Variants in PLPPR5 observed in about 807,000 individuals in gnomAD.
PLPPR5 encodes the protein phospholipid phosphatase-related protein type 5.
In PLPPR5, 16 loss-of-function variants were observed where a neutral mutation model predicts 33.9. That is an observed-to-expected ratio of 0.47 (90% CI 0.32 to 0.72). PLPPR5 has a LOEUF of 0.72. Among genes scored for constraint, PLPPR5 ranks in the 30% least tolerant of loss-of-function variants. The probability of loss-of-function intolerance (pLI) is 0.03; values close to 1 mark genes in which losing one functional copy is unlikely to be tolerated. For synonymous variants in PLPPR5, 163 were observed against 150.3 expected (o/e 1.08, Z -0.62); for missense variants, 301 against 406.7 (o/e 0.74, Z 2.23).
intron 1 of PLPPR5, among the ~76,000 whole-genome samples, chr1:99,001,671 GATATATATATATATATAT>G (rs55722150): frequency 2.9e-5 from 3 of 102,196 alleles, no homozygotes; most frequent in African/African-American, 3.9e-5. Flanking sequence ...GAAAGTTAAA[GATATATATATATATATAT>G]ATATATATAT....
rs1461661302 is a variant in PLPPR5, at chr1:98,897,236, C to T, written c.934-4132G>A. ...TTGCAACCCAATTCCAACACCAGTG[C>T]GCTCCAGCGCACATACGTTTATTGC... On this transcript the variant is annotated intron_variant, in intron 5 of 5. Coordinates refer to ENST00000263177, the MANE Select transcript of PLPPR5 (RefSeq NM_001037317.2). Among the ~76,000 whole-genome samples, 4 of 152,190 alleles carry T rather than the reference C, an allele frequency of 2.6e-5. No individual in the cohort carries two copies. The East Asian group carries it at 5.8e-4, about 22-fold the overall frequency.
rs1274350203 is a variant in PLPPR5, at chr1:98,922,023, G to A, written c.657C>T (p.Thr219=). The part of the protein sequence containing the change: ...YITNTIKAKG[T]RLAKPVLCLG... ...AGCATAGAACTGGCTTAGCAAGTCT[G>A]GTTCCCTTGGCTTTGATTGTGTTGG... is the stretch of plus-strand genomic sequence containing the variant. The change falls in exon 4 of 6, where the codon ACC becomes ACT. Residue 219 remains threonine, a synonymous_variant. Transcript: ENST00000263177. 4 of 1,613,548 alleles carry A rather than the reference G, an allele frequency of 2.5e-6. No individual in the cohort carries two copies.
chr1:98,995,294 A>G (rs761080361), intron 1 of PLPPR5, among the ~76,000 whole-genome samples: 3 of 152,106 alleles, frequency 2.0e-5, no homozygotes, highest in Non-Finnish European at 2.9e-5. Context: ...GAAACAATAG[A>G]CACTGGGGCC....
chr1:98,940,360 C>T (rs1407485588), intron 3 of PLPPR5, among the ~76,000 whole-genome samples: 1 of 151,850 alleles, frequency 6.6e-6, no homozygotes, highest in Non-Finnish European at 1.5e-5. Context: ...GAGGGCCTTA[C>T]CCCTTCATGA....
chr1:98,994,803 G>A (rs868844408), intron 1 of PLPPR5, among the ~76,000 whole-genome samples: 1 of 152,034 alleles, frequency 6.6e-6, no homozygotes, highest in Non-Finnish European at 1.5e-5. Flanking sequence ...ATTGATGAAA[G>A]TAATGACTGA....
chr1:98,901,631 G>A (rs1648695477), intron 5 of PLPPR5, among the ~76,000 whole-genome samples: 1 of 152,124 alleles, frequency 6.6e-6, no homozygotes, highest in East Asian at 1.9e-4. Context: ...AATATAAATT[G>A]AAATGAGAAC....
intron 3 of PLPPR5, among the ~76,000 whole-genome samples, chr1:98,927,760 G>A (rs1649819519): frequency 6.6e-6 from 1 of 152,100 alleles, no homozygotes; most frequent in African/African-American, 2.4e-5. Flanking sequence ...CACCTACATG[G>A]ACACATTTGC....
intron 3 of PLPPR5, among the ~76,000 whole-genome samples, chr1:98,924,097 T>C (rs888656773): frequency 2.0e-5 from 3 of 152,240 alleles, no homozygotes; most frequent in Non-Finnish European, 2.9e-5. Context: ...GGGATGATAA[T>C]TGAATAATAC....
chr1:98,894,067 T>G (rs1012408500), intron 5 of PLPPR5, among the ~76,000 whole-genome samples: 4 of 152,042 alleles, frequency 2.6e-5, no homozygotes, highest in African/African-American at 9.7e-5. Context: ...TCATTTTCAT[T>G]GAATTTAGGC....
chr1:98,937,287 A>G (rs1650204776), intron 3 of PLPPR5, among the ~76,000 whole-genome samples: 1 of 152,216 alleles, frequency 6.6e-6, no homozygotes, highest in Admixed American at 6.5e-5. Context: ...TGATTGTGGC[A>G]CACTGTATTC....
Position 98,953,316 on chromosome 1 carries a change from A to C in PLPPR5, c.375T>G (p.Ile125Met). 6.2e-7 allele frequency: 1 copy of C among 1,609,908 alleles called. No homozygotes were observed. Among genetic ancestry groups the C allele is most frequent in the Non-Finnish European group, 8.5e-7 (1 of 1,178,316 alleles). ...LVRRTVRFLG[I>M]YTFGLFATDI... is the part of the protein sequence containing the mutation. ...CTGTAGCAAACAGTCCAAATGTATA[A>C]ATTCCTGGGGAAGAAAACAAATAAT... The change falls in exon 3 of 6, where the codon ATT (isoleucine) becomes ATG (methionine). Residue 125 changes from isoleucine (I) to methionine (M), a missense_variant. Transcript: ENST00000263177.
At chr1:98,944,858 T>C (rs1650498250) in intron 3 of PLPPR5, among the ~76,000 whole-genome samples, 1 of 152,184 alleles carries the variant, frequency 6.6e-6, no homozygotes, top group Non-Finnish European at 1.5e-5. Flanking sequence ...CAGGCTCCAG[T>C]GGGAGCATCG....
intron 1 of PLPPR5, among the ~76,000 whole-genome samples, chr1:99,000,243 C>A (rs72732441): frequency 0.048 from 7,357 of 152,196 alleles, 226 homozygotes; most frequent in East Asian, 0.14. Context: ...CAGGCGTTTT[C>A]TGAAAATGCA....
chr1:98,996,321 T>C (rs1347670545), intron 1 of PLPPR5, among the ~76,000 whole-genome samples: 1 of 152,090 alleles, frequency 6.6e-6, no homozygotes, highest in Non-Finnish European at 1.5e-5. Flanking sequence ...TTACATGTTG[T>C]ATCAGTGAGA....
intron 3 of PLPPR5, among the ~76,000 whole-genome samples, chr1:98,939,760 T>C (rs1338887394): frequency 6.6e-6 from 1 of 151,868 alleles, no homozygotes; most frequent in Admixed American, 6.6e-5. Flanking sequence ...GCCGTGTGTA[T>C]CCTCAGCGTA....
chr1:98,954,575 A>T (rs1398566550), intron 2 of PLPPR5, among the ~76,000 whole-genome samples: 1 of 152,138 alleles, frequency 6.6e-6, no homozygotes, highest in Non-Finnish European at 1.5e-5. Flanking sequence ...ATATAAGATT[A>T]CAAAAAGTTT....
At chr1:98,918,256 T>G (rs1034429598) in intron 4 of PLPPR5, among the ~76,000 whole-genome samples, 2 of 152,208 alleles carry the variant, frequency 1.3e-5, no homozygotes, top group Non-Finnish European at 2.9e-5. Flanking sequence ...GGCAAGTTAC[T>G]TTATATAATC....
At chr1:98,959,269 G>A (rs537706267) in intron 1 of PLPPR5, among the ~76,000 whole-genome samples, 18 of 152,206 alleles carry the variant, frequency 1.2e-4, no homozygotes, top group Middle Eastern at 6.8e-3. Flanking sequence ...CACTTTTCCC[G>A]GGGCTCTCTT....
intron 1 of PLPPR5, among the ~76,000 whole-genome samples, chr1:98,984,313 T>G (rs72732414): frequency 0.07 from 10,641 of 152,142 alleles, 506 homozygotes; most frequent in Non-Finnish European, 0.096. Flanking sequence ...ATATTTGTTC[T>G]AAGGGAACCA....
Sources: allele counts gnomAD v4.1 joint callset (sites outside exome capture counted in the v4.1 genomes callset), GRCh38; gene constraint gnomAD v4.1.1; transcripts MANE v1.5; gene names NCBI Gene and HGNC (gene_info 2026-07-23, HGNC 2026-07-21).